ATRX: variants seen among roughly 807,000 people sequenced by gnomAD.
ATRX encodes the protein ATRX chromatin remodeler.
A neutral mutation model predicts 172.6 loss-of-function variants in ATRX; 12 were observed. The observed-to-expected ratio is 0.07, with a 90% CI of 0.04 to 0.11. The LOEUF (loss-of-function observed/expected upper bound fraction) is 0.11, where lower values mean the gene tolerates loss of function less well. Ranked by LOEUF, ATRX falls within the 10% of genes least tolerant of loss-of-function variation. The pLI, the probability that ATRX is intolerant of heterozygous loss-of-function variation, is 1.00. For synonymous variants in ATRX, 674 were observed against 594.7 expected (o/e 1.13, Z -1.94); for missense variants, 1,368 against 1,767.4 (o/e 0.77, Z 4.05).
intron 1 of ATRX, among the ~76,000 whole-genome samples, chrX:77,756,628 C>T (rs782304228): frequency 1.8e-5 from 2 of 110,366 alleles, no homozygotes; most frequent in East Asian, 2.8e-4. Flanking sequence ...GGAGAGGCGA[C>T]GCCCCACCCT....
rs782421776 is a variant in ATRX at position 77,651,363 on chromosome X, T to C, written c.4557+751A>G. ...ATTTGAAAACTTTTGTAACATAAAGTCCATTTAAAAAACTGAAATCTTTTA... is the reference window on the plus strand; with the variant it reads ...ATTTGAAAACTTTTGTAACATAAAGCCCATTTAAAAAACTGAAATCTTTTA... On this transcript the variant is annotated intron_variant, in intron 15 of 34. Coordinates refer to ENST00000373344, the MANE Select transcript of ATRX (RefSeq NM_000489.6). Among the ~76,000 whole-genome samples the C allele has an allele frequency of 6.3e-5, 7 of 110,303 alleles. No individual in the cohort carries two copies. In the South Asian group the frequency reaches 2.7e-3, roughly 43 times the overall value.
At position 77,755,846 on chromosome X, in the gene ATRX, C is replaced by T. The variant is rs782259968; in HGVS notation, c.20+30136G>A. 2.7e-5 allele frequency among the ~76,000 whole-genome samples: 3 copies of T among 112,146 alleles called. No individual in the cohort carries two copies. In the South Asian group the frequency reaches 1.1e-3, roughly 41 times the overall value. On this transcript the variant is annotated intron_variant, in intron 1 of 34. Transcript: ENST00000373344. ...CTTGAGGAGGCAGTCTGTCCCCTAG[C>T]AGAGCTCAAGTGCTGTGCTAGGAGA...
rs2148139820 is a variant in ATRX, at chrX:77,599,393, A to G, written c.5956+18T>C. ...CAAATTACTGTTCCATGATAAAGGC[A>G]ACATTCATTAGACTCACTTTCTTCC... On this transcript the variant is annotated intron_variant, in intron 25 of 34. Transcript: ENST00000373344. The G allele has an allele frequency of 1.7e-6, 2 of 1,208,814 alleles. No individual in the cohort carries two copies. The highest frequency in any genetic ancestry group is 2.2e-6 in the Non-Finnish European group (2 of 893,288).
intron 2 of ATRX, among the ~76,000 whole-genome samples, chrX:77,716,323 A>ATAC (rs782067024): frequency 4.8e-5 from 1 of 21,039 alleles, no homozygotes; most frequent in African/African-American, 1.7e-4. Context: ...AAAAAAAAAA[A>ATAC]ATATATATAT....
At chrX:77,708,334 G>A (rs188907238) in intron 2 of ATRX, among the ~76,000 whole-genome samples, 1 of 112,459 alleles carries the variant, frequency 8.9e-6, no homozygotes, top group Non-Finnish European at 1.9e-5. Flanking sequence ...ACAAAAACAC[G>A]TATTATATGA....
chrX:77,556,520 A>G (rs1163052789), intron 30 of ATRX, among the ~76,000 whole-genome samples: 1 of 110,436 alleles, frequency 9.1e-6, no homozygotes, highest in Non-Finnish European at 1.9e-5. Context: ...CAAACTCTAA[A>G]TCTCAGCTTC....
chrX:77,532,275 GA>G (rs1160376786), intron 30 of ATRX, among the ~76,000 whole-genome samples: 14 of 105,889 alleles, frequency 1.3e-4, no homozygotes, highest in Admixed American at 2.0e-4. Context: ...CACAGAATTA[GA>G]AAAAAAAAAC....
intron 1 of ATRX, among the ~76,000 whole-genome samples, chrX:77,755,400 AAGG>A (rs1557189622): frequency 1.8e-5 from 2 of 112,088 alleles, no homozygotes; most frequent in African/African-American, 6.5e-5. Flanking sequence ...TGTTCATTTG[AAGG>A]AGAAGAGGCA....
At chrX:77,688,001 G>A (rs1431838799) in intron 7 of ATRX, among the ~76,000 whole-genome samples, 2 of 111,533 alleles carry the variant, frequency 1.8e-5, no homozygotes, top group South Asian at 7.6e-4. Flanking sequence ...ACAATGGCGC[G>A]ATCTCGACTC....
In ATRX at chrX:77,771,153, G is replaced by A. The variant is rs1557198859; in HGVS notation, c.20+14829C>T. Among the ~76,000 whole-genome samples the A allele has an allele frequency of 2.7e-5, 3 of 110,950 alleles. 1 individual carries two copies. The highest frequency in any genetic ancestry group is 2.8e-4 in the East Asian group (1 of 3,551). ...AGCACTTTGGGAGGCCGAGGCTGGC[G>A]GATCACAAGGTCAGGAGTTCTGAGA... is the stretch of plus-strand genomic sequence containing the variant. On this transcript the variant is annotated intron_variant, in intron 1 of 34. Coordinates refer to ENST00000373344, the MANE Select transcript of ATRX (RefSeq NM_000489.6).
chrX:77,619,042 T>C, intron 20 of ATRX, 61 bp from the exon 21 acceptor site: 3 of 865,183 alleles, frequency 3.5e-6, no homozygotes, highest in South Asian at 4.6e-5. Context: ...CTTAGAAAAA[T>C]TCCCCAATGA....
In ATRX at chrX:77,786,067, C is replaced by G. The variant is rs978456058; in HGVS notation, c.-66G>C. 22 of 1,127,941 alleles carry G rather than the reference C, an allele frequency of 2.0e-5. No homozygotes were observed. In the African/African-American group the frequency reaches 3.5e-4, roughly 18 times the overall value. The allele number at this position is 1,127,941 out of a possible 1,213,427, so 93.0% of individuals were successfully genotyped here. On this transcript the variant is annotated 5_prime_UTR_variant, in exon 1 of 35. Transcript: ENST00000373344. Reference sequence around the variant, plus strand: ...GCGCCGATCTGCGCTCCCCCGCGCCCGGTTACGATAGAAATGCACTGGAGT... The same window carrying G: ...GCGCCGATCTGCGCTCCCCCGCGCCGGGTTACGATAGAAATGCACTGGAGT...
intron 19 of ATRX, among the ~76,000 whole-genome samples, chrX:77,631,031 C>T (rs782252096): frequency 2.3e-4 from 25 of 110,354 alleles, no homozygotes; most frequent in African/African-American, 7.9e-4. Context: ...ACCATGATGT[C>T]TTCAAGAAAT....
At chrX:77,549,989 T>TG (rs1557055116) in intron 30 of ATRX, among the ~76,000 whole-genome samples, 112 of 111,466 alleles carry the variant, frequency 1.0e-3, no homozygotes, top group African/African-American at 3.5e-3. Context: ...TGAAATGAAA[T>TG]AAAATAAAAT....
intron 29 of ATRX, 30 bp from the exon 30 acceptor site, chrX:77,557,675 A>ATTTT: frequency 8.7e-7 from 1 of 1,147,705 alleles, no homozygotes; most frequent in Non-Finnish European, 1.2e-6. Context: ...AATATACAAA[A>ATTTT]AAATAAAATT....
At chrX:77,531,811 A>G (rs1215833833) in intron 30 of ATRX, among the ~76,000 whole-genome samples, 7 of 111,641 alleles carry the variant, frequency 6.3e-5, no homozygotes, top group African/African-American at 2.3e-4. Flanking sequence ...GAAATAAAGT[A>G]TATTCAAATA....
chrX:77,511,793 C>T (rs1386000003), intron 34 of ATRX, among the ~76,000 whole-genome samples: 2 of 111,095 alleles, frequency 1.8e-5, no homozygotes, highest in East Asian at 5.7e-4. Context: ...GAAAAAAGAA[C>T]AAAAAACAAT....
rs782638585 is a variant in ATRX, at chrX:77,507,014, TTTTC to T, written c.*1333_*1336del. 3.6e-5 allele frequency: 6 copies of T among 167,838 alleles called. No homozygotes were observed. The highest frequency in any genetic ancestry group is 6.7e-5 in the Non-Finnish European group (6 of 89,281). The allele number at this position is 167,838 out of a possible 1,213,427, so 13.8% of individuals were successfully genotyped here. On this transcript the variant is annotated 3_prime_UTR_variant, in exon 35 of 35. Coordinates refer to ENST00000373344, the MANE Select transcript of ATRX (RefSeq NM_000489.6). ...TTGACTCCCATAGTCAAAAACAATG[TTTTC>T]TTTAACAATTCAAGTAACCAAAATT...
chrX:77,676,314 T>A lies in ATRX; in HGVS notation c.3737-16A>T, dbSNP rs782539861. On this transcript the variant is annotated splice_polypyrimidine_tract_variant and intron_variant, in intron 9 of 34. Transcript: ENST00000373344. ...GCTTCATCTCCTTGAGGGAAAAAAG[T>A]GTACTTAAAATTAGCTTTAAATAAG... The A allele has an allele frequency of 1.7e-6, 2 of 1,189,141 alleles. No individual in the cohort carries two copies. Among genetic ancestry groups the A allele is most frequent in the African/African-American group, 3.5e-5 (2 of 57,364 alleles).
Sources: allele counts gnomAD v4.1 joint callset (sites outside exome capture counted in the v4.1 genomes callset), GRCh38; gene constraint gnomAD v4.1.1; transcripts MANE v1.5; gene names NCBI Gene and HGNC (gene_info 2026-07-23, HGNC 2026-07-21).